The following USP33 variants were observed in gnomAD, a reference collection of about 807,000 sequenced individuals.
USP33 encodes ubiquitin carboxyl-terminal hydrolase 33.
A neutral mutation model predicts 124.2 loss-of-function variants in USP33; 46 were observed. That is an observed-to-expected ratio of 0.37 (90% CI 0.29 to 0.47). The LOEUF is 0.47. Ranked by LOEUF, USP33 falls within the 20% of genes least tolerant of loss-of-function variation. The pLI is 0.99. For synonymous variants in USP33, 350 were observed against 352.3 expected (o/e 0.99, Z 0.07); for missense variants, 851 against 1,070.6 (o/e 0.79, Z 2.86).
chr1:77,728,841 T>C (rs1570799597), intron 9 of USP33, 129 bp from the exon 10 acceptor site: 1 of 969,738 alleles, frequency 1.0e-6, no homozygotes, highest in Non-Finnish European at 1.5e-6. Flanking sequence ...AAATACCAGT[T>C]TGGAGAGCAT....
rs563424223 is a variant in USP33, at chr1:77,724,268, T to C, written c.1277-825A>G. Among the ~76,000 whole-genome samples, 586 of 152,296 alleles carry C rather than the reference T, an allele frequency of 3.8e-3. 1 individual carries two copies. Among genetic ancestry groups the C allele is most frequent in the Non-Finnish European group, 5.8e-3 (393 of 68,018 alleles). ...GGCTTTATTTGAAGAAAAGATTCTA[T>C]TATTTAAAGTTTTTAAGAGTTCTTT... On this transcript the variant is annotated intron_variant, in intron 11 of 23. Transcript: ENST00000370794.
intron 17 of USP33, among the ~76,000 whole-genome samples, chr1:77,717,056 G>A (rs961492904): frequency 9.9e-5 from 15 of 151,718 alleles, no homozygotes; most frequent in Admixed American, 3.3e-4. Flanking sequence ...TAGTAGAGAC[G>A]GGGTTTCACA....
At chr1:77,744,636 G>A (rs1679531099) in intron 1 of USP33, among the ~76,000 whole-genome samples, 1 of 152,168 alleles carries the variant, frequency 6.6e-6, no homozygotes, top group Non-Finnish European at 1.5e-5. Flanking sequence ...TTGAGCTCAG[G>A]AGTTAGAGAC....
chr1:77,758,309 T>C (rs1273858684), intron 1 of USP33, among the ~76,000 whole-genome samples: 14 of 151,296 alleles, frequency 9.3e-5, no homozygotes. Context: ...GCCTCCCAAG[T>C]AGCTGGGACT....
At chr1:77,706,690 TTA>T (rs1217673764) in intron 21 of USP33, among the ~76,000 whole-genome samples, 2 of 152,234 alleles carry the variant, frequency 1.3e-5, no homozygotes, top group African/African-American at 4.8e-5. Context: ...CCTACTGGAC[TTA>T]GTTTTTTTGT....
chr1:77,721,857 G>A lies in USP33; in HGVS notation c.1631C>T (p.Ala544Val), dbSNP rs1676597648. ...TTTTAGTTCATCTCTGGCAAAGAAG[G>A]CAGCAAGACAATCTTGCAAGGTTAC... is the stretch of plus-strand genomic sequence containing the variant. ...PVVTLQDCLAAFFARDELKGD... is the reference protein window; with the variant it reads ...PVVTLQDCLAVFFARDELKGD... The change falls in exon 14 of 24, where the codon GCC (alanine) becomes GTC (valine). Residue 544 changes from alanine to valine, a missense_variant. Physicochemically the swap from Ala to Val is moderately conservative, Grantham distance 64 (BLOSUM62 0). Around this residue, in one of 4 missense-constraint regions of USP33, gnomAD observed 281 missense variants for 425.0 expected, o/e 0.66. Transcript: ENST00000370794. 6.2e-7 allele frequency: 1 copy of A among 1,608,574 alleles called. No individual in the cohort carries two copies. The highest frequency in any genetic ancestry group is 1.1e-5 in the South Asian group (1 of 89,416).
In USP33 at chr1:77,721,175, T is replaced by C. The variant is rs753669416; in HGVS notation, c.1688A>G (p.Lys563Arg). 2 of 1,613,774 alleles carry C rather than the reference T, an allele frequency of 1.2e-6. No homozygotes were observed. Among genetic ancestry groups the C allele is most frequent in the African/African-American group, 2.7e-5 (2 of 74,926 alleles). The change falls in exon 15 of 24, where the codon AAA (lysine) becomes AGA (arginine). Residue 563 changes from lysine (K) to arginine (R), a missense_variant. By Grantham distance (26) the Lys-to-Arg change is conservative. Transcript: ENST00000370794. ...AAGCACTGTCAATGTCACTTACTTT[T>C]TGCATTTTTCACAACTGTACATATT... ...GDNMYSCEKC[K>R]KLRNGVKFCK... is the part of the protein sequence containing the mutation.
In USP33 at chr1:77,699,390, G is replaced by A. The variant is rs180829584; in HGVS notation, c.2510-1459C>T. On this transcript the variant is annotated intron_variant, in intron 22 of 23. Transcript: ENST00000370794. The stretch of plus-strand genomic sequence containing the variant: ...AGAAAAATTAGCCAGGCATGACAGC[G>A]GCACCTGTAATCCCAGCTACTCAGG... Among the ~76,000 whole-genome samples the A allele has an allele frequency of 4.6e-5, 7 of 152,172 alleles. No homozygotes were observed. The East Asian group carries it at 7.7e-4, about 17-fold the overall frequency.
At chr1:77,724,746 A>G (rs1676967298) in intron 11 of USP33, among the ~76,000 whole-genome samples, 3 of 152,190 alleles carry the variant, frequency 2.0e-5, no homozygotes, top group Admixed American at 1.3e-4. Flanking sequence ...GTAAATAAAC[A>G]GTGGTATACC....
rs765950842 is a variant in USP33, at chr1:77,715,786, T to A, written c.2001A>T (p.Ser667=). The change falls in exon 18 of 24, where the codon TCA becomes TCT. Residue 667 remains serine (S), a synonymous_variant. Coordinates refer to ENST00000370794, the MANE Select transcript of USP33 (RefSeq NM_201624.3). ...CTTCTGCATTTTGTACAGTAGATTC[T>A]GAAACTTCAGTGACACTCTGATCAT... ...EFDDQSVTEV[S]ESTVQNAEAY... 1 of 1,614,070 alleles carries A rather than the reference T, an allele frequency of 6.2e-7. No homozygotes were observed. Among genetic ancestry groups the A allele is most frequent in the Non-Finnish European group, 8.5e-7 (1 of 1,179,990 alleles).
intron 7 of USP33, among the ~76,000 whole-genome samples, chr1:77,732,703 A>G (rs1344369452): frequency 6.6e-6 from 1 of 152,060 alleles, no homozygotes; most frequent in Non-Finnish European, 1.5e-5. Context: ...GCTGCTTACA[A>G]GGAGCATTCT....
intron 1 of USP33, among the ~76,000 whole-genome samples, chr1:77,755,207 A>C (rs925082198): frequency 5.9e-5 from 9 of 152,214 alleles, no homozygotes; most frequent in African/African-American, 2.2e-4. Context: ...GAAAAACCTA[A>C]ATCTTCAGTT....
chr1:77,729,153 A>G (rs991287785), intron 9 of USP33, among the ~76,000 whole-genome samples: 14 of 152,046 alleles, frequency 9.2e-5, no homozygotes, highest in African/African-American at 3.4e-4. Flanking sequence ...CAATCCGCCT[A>G]CCTCGGCCTT....
chr1:77,755,310 T>C lies in USP33; in HGVS notation c.-52+4333A>G, dbSNP rs565267619. 3.9e-5 allele frequency among the ~76,000 whole-genome samples: 6 copies of C among 152,368 alleles called. No individual in the cohort carries two copies. The South Asian group carries it at 1.2e-3, about 32-fold the overall frequency. On this transcript the variant is annotated intron_variant, in intron 1 of 23. Transcript: ENST00000370794. Reference sequence around the variant, plus strand: ...ATGAGAACCACCATAAGAAAAATTATCAATTCTTTTATTGTTTACCAGACT... The same window carrying C: ...ATGAGAACCACCATAAGAAAAATTACCAATTCTTTTATTGTTTACCAGACT...
Position 77,718,042 on chromosome 1 carries a change from C to A in USP33, c.1743G>T (p.Leu581Phe). Residue 581 changes from leucine (L) to phenylalanine (F), a missense_variant, in exon 17 of 24, where the codon TTG becomes TTT. Physicochemically the swap from Leu to Phe is conservative, Grantham distance 22 (BLOSUM62 0). Coordinates refer to ENST00000370794, the MANE Select transcript of USP33 (RefSeq NM_201624.3). Reference sequence around the variant, plus strand: ...GTCTGAATCTTTTAAGGTGGATGCACAAAATCTAAAAAAGAATAAAATTCA... The same window carrying A: ...GTCTGAATCTTTTAAGGTGGATGCAAAAAATCTAAAAAAGAATAAAATTCA... ...FCKVQNFPEI[L>F]CIHLKRFRHE... 1 of 1,585,880 alleles carries A rather than the reference C, an allele frequency of 6.3e-7. No individual in the cohort carries two copies. Among genetic ancestry groups the A allele is most frequent in the South Asian group, 1.2e-5 (1 of 85,276 alleles).
chr1:77,709,764 CATATAGACATAT>C (rs1675029186), intron 21 of USP33, among the ~76,000 whole-genome samples: 1 of 150,972 alleles, frequency 6.6e-6, no homozygotes, highest in Non-Finnish European at 1.5e-5. Flanking sequence ...TCTATATAAA[CATATAGACATAT>C]ATATATCTGA....
chr1:77,716,154 G>GCTCAAGCTATCCTCTTGC (rs1675868863), intron 17 of USP33, among the ~76,000 whole-genome samples: 1 of 152,136 alleles, frequency 6.6e-6, no homozygotes, highest in Non-Finnish European at 1.5e-5. Context: ...AAATTTCTGG[G>GCTCAAGCTATCCTCTTGC]CTCAAGCTAT....
At chr1:77,725,551 A>G in intron 11 of USP33, 71 bp downstream of exon 11, 1 of 1,513,258 alleles carries the variant, frequency 6.6e-7, no homozygotes, top group Non-Finnish European at 8.9e-7. Flanking sequence ...ACTTTAAATT[A>G]TCAAGTACCA....
At chr1:77,741,549 T>C in intron 2 of USP33, 68 bp downstream of exon 2, 1 of 1,545,662 alleles carries the variant, frequency 6.5e-7, no homozygotes, top group Non-Finnish European at 8.7e-7. Context: ...ATTACAGTAA[T>C]TTATGAAAAT....
Sources: gnomAD v4.1 joint callset for allele counts (sites outside exome capture counted in the v4.1 genomes callset) on GRCh38, gnomAD v4.1.1 for gene constraint, gnomAD v4.1.1 regional missense constraint, MANE v1.5 for transcripts, NCBI Gene and HGNC (gene_info 2026-07-23, HGNC 2026-07-21) for gene names.